RETREG1: variants seen among roughly 807,000 people sequenced by gnomAD.
The protein encoded by RETREG1 is reticulophagy regulator 1.
A neutral mutation model predicts 54.8 loss-of-function variants in RETREG1; 44 were observed. The ratio of observed to expected loss-of-function variants is 0.80; its 90% CI spans 0.63 to 1.03. The LOEUF is 1.03. Among genes scored for constraint, RETREG1 ranks in the 50% least tolerant of loss-of-function variants. RETREG1 has a pLI of 0.00. For synonymous variants in RETREG1, 217 were observed against 238.5 expected (o/e 0.91, Z 0.83); for missense variants, 554 against 605.1 (o/e 0.92, Z 0.89).
chr5:16,602,036 G>A (rs975365323), intron 1 of RETREG1, among the ~76,000 whole-genome samples: 29 of 152,086 alleles, frequency 1.9e-4, no homozygotes, highest in African/African-American at 6.3e-4. Flanking sequence ...CAGCAAGAGC[G>A]GGATAAAGAT....
At chr5:16,526,587 A>T (rs1178930489) in intron 3 of RETREG1, among the ~76,000 whole-genome samples, 1 of 152,204 alleles carries the variant, frequency 6.6e-6, no homozygotes, top group Non-Finnish European at 1.5e-5. Context: ...AATTAAGAAG[A>T]CAGTGACAGA....
intron 4 of RETREG1, among the ~76,000 whole-genome samples, chr5:16,481,960 A>T: frequency 6.6e-6 from 1 of 152,056 alleles, no homozygotes; most frequent in South Asian, 2.1e-4. Context: ...AAGGAAATTC[A>T]TTAAGGGAGT....
chr5:16,491,554 ATACAT>A (rs922296211), intron 3 of RETREG1, among the ~76,000 whole-genome samples: 16 of 152,352 alleles, frequency 1.1e-4, no homozygotes, highest in African/African-American at 3.8e-4. Flanking sequence ...GAATGTTTCT[ATACAT>A]TACGTGTTGG....
chr5:16,507,732 T>C (rs754291079), intron 3 of RETREG1, among the ~76,000 whole-genome samples: 1 of 152,212 alleles, frequency 6.6e-6, no homozygotes, highest in Non-Finnish European at 1.5e-5. Flanking sequence ...ATGCTTGTCT[T>C]TAATACAATG....
intron 3 of RETREG1, among the ~76,000 whole-genome samples, chr5:16,487,858 C>T (rs1739077449): frequency 6.6e-6 from 1 of 152,236 alleles, no homozygotes; most frequent in African/African-American, 2.4e-5. Context: ...AGTAGAATTT[C>T]AAACCAACAT....
At chr5:16,598,451 CAG>C (rs1222940061) in intron 1 of RETREG1, among the ~76,000 whole-genome samples, 1 of 152,202 alleles carries the variant, frequency 6.6e-6, no homozygotes, top group African/African-American at 2.4e-5. Context: ...TGAAACAAAC[CAG>C]GGCCGTGTTA....
At chr5:16,533,279 G>A (rs1456464179) in intron 3 of RETREG1, among the ~76,000 whole-genome samples, 3 of 152,088 alleles carry the variant, frequency 2.0e-5, no homozygotes, top group Non-Finnish European at 4.4e-5. Context: ...TCCTGACCTC[G>A]TGATCCACCC....
At chr5:16,596,239 A>G (rs1443044698) in intron 1 of RETREG1, among the ~76,000 whole-genome samples, 2 of 152,240 alleles carry the variant, frequency 1.3e-5, no homozygotes, top group South Asian at 4.1e-4. Flanking sequence ...CAACTTGATC[A>G]TAGAAATAAT....
At chr5:16,560,691 C>A (rs1741830509) in intron 3 of RETREG1, among the ~76,000 whole-genome samples, 1 of 152,154 alleles carries the variant, frequency 6.6e-6, no homozygotes, top group Admixed American at 6.5e-5. Flanking sequence ...CCACATGGCT[C>A]ACATGAGCAA....
chr5:16,591,501 A>G (rs1218619473), intron 1 of RETREG1, among the ~76,000 whole-genome samples: 1 of 149,826 alleles, frequency 6.7e-6, no homozygotes, highest in South Asian at 2.1e-4. Flanking sequence ...GTCAAAAAGG[A>G]GCTATAACAG....
At chr5:16,615,168 C>A (rs928830383) in intron 1 of RETREG1, among the ~76,000 whole-genome samples, 2 of 152,032 alleles carry the variant, frequency 1.3e-5, no homozygotes, top group Middle Eastern at 3.4e-3. Context: ...GAGGCCGAGG[C>A]GGACGGATCA....
chr5:16,547,170 A>G (rs1268629715), intron 3 of RETREG1, among the ~76,000 whole-genome samples: 3 of 152,236 alleles, frequency 2.0e-5, no homozygotes, highest in Admixed American at 6.5e-5. Flanking sequence ...AGGTGGCCCC[A>G]AAGTTTAAGC....
At chr5:16,574,406 G>A (rs149498497) in intron 1 of RETREG1, among the ~76,000 whole-genome samples, 9 of 152,316 alleles carry the variant, frequency 5.9e-5, no homozygotes, top group African/African-American at 2.2e-4. Flanking sequence ...CAACAGGAAG[G>A]ATGTGACGGG....
intron 6 of RETREG1, 81 bp from the exon 7 acceptor site, chr5:16,478,179 C>A (rs1738623194): frequency 2.4e-6 from 2 of 833,108 alleles, no homozygotes; most frequent in Admixed American, 2.0e-5. Flanking sequence ...GTATTCTTAC[C>A]CCACATTTCT....
intron 1 of RETREG1, among the ~76,000 whole-genome samples, chr5:16,610,966 T>C (rs1743325358): frequency 1.3e-5 from 2 of 152,212 alleles, no homozygotes; most frequent in Non-Finnish European, 2.9e-5. Flanking sequence ...CATATGTTTA[T>C]TGCGGCACTA....
chr5:16,499,414 A>G (rs1471919959), intron 3 of RETREG1, among the ~76,000 whole-genome samples: 1 of 152,226 alleles, frequency 6.6e-6, no homozygotes. Context: ...AGCAGTAGAA[A>G]CTAGTAATTT....
intron 3 of RETREG1, among the ~76,000 whole-genome samples, chr5:16,518,837 A>G (rs1740441828): frequency 6.6e-6 from 1 of 152,232 alleles, no homozygotes. Context: ...CACTGACTCA[A>G]GAGTCTAAGA....
chr5:16,582,314 G>A lies in RETREG1; in HGVS notation c.321-10212C>T, dbSNP rs532186712. On this transcript the variant is annotated intron_variant, in intron 1 of 8. Coordinates refer to ENST00000306320, the MANE Select transcript of RETREG1 (RefSeq NM_001034850.3). ...AAACCACATCACCCAGGTGACTCAT[G>A]TTTGGCTTGTGATGACCACGGCCTA... is the stretch of plus-strand genomic sequence containing the variant. Among the ~76,000 whole-genome samples, 34 of 152,268 alleles carry A rather than the reference G, an allele frequency of 2.2e-4. 1 individual carries two copies. Among genetic ancestry groups the A allele is most frequent in the Non-Finnish European group, 4.4e-5 (3 of 68,018 alleles).
intron 3 of RETREG1, among the ~76,000 whole-genome samples, chr5:16,493,383 A>G (rs978851193): frequency 1.3e-5 from 2 of 152,224 alleles, no homozygotes; most frequent in Admixed American, 1.3e-4. Context: ...TGCAAATTCC[A>G]TTACTAGCAT....
Sources: allele counts gnomAD v4.1 joint callset (sites outside exome capture counted in the v4.1 genomes callset), GRCh38; gene constraint gnomAD v4.1.1; transcripts MANE v1.5; gene names NCBI Gene and HGNC (gene_info 2026-07-23, HGNC 2026-07-21).